GRM8: variants seen among roughly 807,000 people sequenced by gnomAD.
GRM8 encodes metabotropic glutamate receptor 8.
A neutral mutation model predicts 87.2 loss-of-function variants in GRM8; 47 were observed. The observed-to-expected ratio is 0.54, with a 90% CI of 0.43 to 0.69. The LOEUF is 0.69. Ranked by LOEUF, GRM8 falls within the 30% of genes least tolerant of loss-of-function variation. The pLI is 0.00. For synonymous variants in GRM8, 396 were observed against 404.5 expected (o/e 0.98, Z 0.25); for missense variants, 1,019 against 1,139.2 (o/e 0.89, Z 1.52).
intron 6 of GRM8, among the ~76,000 whole-genome samples, chr7:126,789,339 T>G (rs528456206): frequency 2.6e-5 from 4 of 152,232 alleles, no homozygotes; most frequent in Admixed American, 2.0e-4. Flanking sequence ...TTTATAATTA[T>G]GGCCCAGCAA....
chr7:126,697,109 GAAAT>G (rs2151385172), intron 7 of GRM8, among the ~76,000 whole-genome samples: 1 of 150,316 alleles, frequency 6.7e-6, no homozygotes, highest in East Asian at 1.9e-4. Context: ...TATGCTAAGT[GAAAT>G]AAGCCAGGCA....
At chr7:127,124,777 T>C (rs969403035) in intron 2 of GRM8, among the ~76,000 whole-genome samples, 1 of 152,138 alleles carries the variant, frequency 6.6e-6, no homozygotes, top group Non-Finnish European at 1.5e-5. Flanking sequence ...GAACCAGATG[T>C]AGCCCCTACC....
intron 6 of GRM8, among the ~76,000 whole-genome samples, chr7:126,884,454 T>C (rs1800304184): frequency 6.6e-6 from 1 of 151,954 alleles, no homozygotes; most frequent in Non-Finnish European, 1.5e-5. Context: ...CTCTTTCATC[T>C]TTTTATTTTT....
intron 6 of GRM8, among the ~76,000 whole-genome samples, chr7:126,777,657 A>G (rs1819626905): frequency 6.6e-6 from 1 of 152,184 alleles, no homozygotes; most frequent in African/African-American, 2.4e-5. Context: ...AAAATATTAT[A>G]AAATATAAAC....
At chr7:127,095,704 T>C (rs1824581491) in intron 3 of GRM8, 1 of 152,218 alleles carries the variant, frequency 6.6e-6, no homozygotes. Context: ...CTCCACTGTC[T>C]CATGCCAGGT....
At chr7:126,595,340 C>A (rs905543477) in intron 8 of GRM8, among the ~76,000 whole-genome samples, 1 of 151,692 alleles carries the variant, frequency 6.6e-6, no homozygotes, top group Non-Finnish European at 1.5e-5. Context: ...GCTGGGACTA[C>A]AGGCACACAC....
chr7:126,799,989 T>C (rs543765431), intron 6 of GRM8, among the ~76,000 whole-genome samples: 1 of 152,194 alleles, frequency 6.6e-6, no homozygotes, highest in East Asian at 1.9e-4. Context: ...TGAGTTCCAA[T>C]TACCTTTTCA....
At chr7:126,765,914 TA>T (rs1461966683) in intron 7 of GRM8, among the ~76,000 whole-genome samples, 1 of 152,092 alleles carries the variant, frequency 6.6e-6, no homozygotes, top group African/African-American at 2.4e-5. Flanking sequence ...TCAGTGATTT[TA>T]AAAAATCAGT....
chr7:126,810,344 T>C (rs535577066), intron 6 of GRM8, among the ~76,000 whole-genome samples: 1 of 152,250 alleles, frequency 6.6e-6, no homozygotes, highest in South Asian at 2.1e-4. Context: ...CTTTTATCTA[T>C]TTGTGCATGA....
intron 3 of GRM8, among the ~76,000 whole-genome samples, chr7:126,931,519 C>T (rs1179568092): frequency 6.6e-6 from 1 of 151,884 alleles, no homozygotes; most frequent in Non-Finnish European, 1.5e-5. Flanking sequence ...AGTCAAAAAC[C>T]CAAAATATTA....
rs1187342261 is a variant in GRM8 at position 127,243,187 on chromosome 7, C to T, written c.18G>A (p.Lys6=). 1 of 1,608,088 alleles carries T rather than the reference C, an allele frequency of 6.2e-7. No homozygotes were observed. The highest frequency in any genetic ancestry group is 1.1e-5 in the South Asian group (1 of 90,908). ...AGAAACAAGGGCAAGAGGCTGATCG[C>T]TTTCCCTCGCATACCATTTTCTCCA... MVCEG[K]RSASCPCFFL... is the part of the protein sequence containing the mutation. The change falls in exon 2 of 11, where the codon AAG becomes AAA. Residue 6 remains lysine, a synonymous_variant. Coordinates refer to ENST00000339582, the MANE Select transcript of GRM8 (RefSeq NM_000845.3).
chr7:126,943,990 T>C (rs747517892), intron 3 of GRM8, among the ~76,000 whole-genome samples: 2 of 152,254 alleles, frequency 1.3e-5, no homozygotes, highest in Non-Finnish European at 2.9e-5. Context: ...TTAATATTTT[T>C]CTGTCTTTCC....
At chr7:126,880,164 A>G (rs757530081) in intron 6 of GRM8, among the ~76,000 whole-genome samples, 3 of 152,258 alleles carry the variant, frequency 2.0e-5, no homozygotes, top group South Asian at 2.1e-4. Context: ...AATGTTTATT[A>G]GATGAATAAA....
chr7:126,781,512 A>ATAGTCACATT (rs1820072850), intron 6 of GRM8, among the ~76,000 whole-genome samples: 1 of 152,214 alleles, frequency 6.6e-6, no homozygotes, highest in Non-Finnish European at 1.5e-5. Flanking sequence ...TTAAACAAAA[A>ATAGTCACATT]GCTGAATAGT....
At chr7:126,792,732 G>C (rs1329589316) in intron 6 of GRM8, among the ~76,000 whole-genome samples, 1 of 151,700 alleles carries the variant, frequency 6.6e-6, no homozygotes, top group African/African-American at 2.4e-5. Context: ...TTCCATCCCA[G>C]GCATGAATAG....
At chr7:127,237,614 C>A (rs1409545866) in intron 2 of GRM8, among the ~76,000 whole-genome samples, 1 of 152,190 alleles carries the variant, frequency 6.6e-6, no homozygotes, top group East Asian at 1.9e-4. Flanking sequence ...CAGCACACTT[C>A]CACATAGGGT....
At chr7:126,931,578 T>C (rs988091018) in intron 3 of GRM8, among the ~76,000 whole-genome samples, 2 of 152,214 alleles carry the variant, frequency 1.3e-5, no homozygotes, top group African/African-American at 4.8e-5. Context: ...AATTCATGTT[T>C]TGGAAAATAC....
At chr7:126,645,910 C>G (rs1032885367) in intron 7 of GRM8, among the ~76,000 whole-genome samples, 25 of 152,140 alleles carry the variant, frequency 1.6e-4, no homozygotes, top group African/African-American at 5.8e-4. Flanking sequence ...TGAACTTACC[C>G]TATATTTTAC....
At chr7:127,190,515 G>A (rs1463318391) in intron 2 of GRM8, among the ~76,000 whole-genome samples, 1 of 151,696 alleles carries the variant, frequency 6.6e-6, no homozygotes, top group Admixed American at 6.6e-5. Flanking sequence ...TTGCACTCCA[G>A]CCTGGGCGAC....
Sources: gnomAD v4.1 joint callset for allele counts (sites outside exome capture counted in the v4.1 genomes callset) on GRCh38, gnomAD v4.1.1 for gene constraint, MANE v1.5 for transcripts, NCBI Gene and HGNC (gene_info 2026-07-23, HGNC 2026-07-21) for gene names.